NFASC: variants seen among roughly 807,000 people sequenced by gnomAD.
NFASC encodes the protein neurofascin, also known as neurofascin homolog.
NFASC carries 43 observed loss-of-function variants against 147.5 expected under a neutral mutation model. That is an observed-to-expected ratio of 0.29 (90% CI 0.23 to 0.38). The LOEUF is 0.38. Ranked by LOEUF, NFASC falls within the 10% of genes least tolerant of loss-of-function variation. The probability of loss-of-function intolerance (pLI) is 1.00; values close to 1 mark genes in which losing one functional copy is unlikely to be tolerated. For synonymous variants in NFASC, 622 were observed against 665.5 expected (o/e 0.93, Z 1.01); for missense variants, 1,320 against 1,689.0 (o/e 0.78, Z 3.83).
chr1:204,950,578 A>T lies in NFASC; in HGVS notation c.109+4A>T, dbSNP rs763092443. 3 of 1,612,564 alleles carry T rather than the reference A, an allele frequency of 1.9e-6. No homozygotes were observed. The highest frequency in any genetic ancestry group is 2.5e-6 in the Non-Finnish European group (3 of 1,179,280). On this transcript the variant is annotated splice_donor_region_variant and intron_variant, in intron 4 of 29. Transcript: ENST00000339876. ...ACAGCAAGCATTCAGAATGAGCGTA[A>T]GTGCCCTGTGTGCCTCTCTGTGCCT...
chr1:204,858,649 G>T (rs891586398), intron 1 of NFASC, among the ~76,000 whole-genome samples: 1 of 152,044 alleles, frequency 6.6e-6, no homozygotes, highest in East Asian at 1.9e-4. Flanking sequence ...CACTCCCTCC[G>T]CTCCCCCTCC....
At chr1:205,009,799 C>T (rs1313402458) in intron 28 of NFASC, 111 bp downstream of exon 28, 1 of 1,170,754 alleles carries the variant, frequency 8.5e-7, no homozygotes, top group Admixed American at 2.1e-5. Flanking sequence ...GAAGCCAGCC[C>T]TTGCCCGGAT....
At chr1:204,980,489 A>G (rs1472168962) in intron 20 of NFASC, 49 bp downstream of exon 20, 2 of 1,403,438 alleles carry the variant, frequency 1.4e-6, no homozygotes, top group African/African-American at 2.8e-5. Context: ...TGCCGCATGC[A>G]CCGGGAGCCC....
chr1:204,877,068 T>A lies in NFASC; in HGVS notation c.-199-43564T>A, dbSNP rs6661366. Among the ~76,000 whole-genome samples, 18 of 93,728 alleles carry A rather than the reference T, an allele frequency of 1.9e-4. 3 individuals carry two copies. The East Asian group carries it at 7.6e-3, about 39-fold the overall frequency. 61.5% of individuals were successfully genotyped at this position (93,728 alleles called of 152,430 possible). On this transcript the variant is annotated intron_variant, in intron 1 of 29. Coordinates refer to ENST00000339876, the MANE Select transcript of NFASC (RefSeq NM_001005388.3). ...ATATATAATATATTTATTTATATAT[T>A]TATATATATATAATATATTTATTTA... is the stretch of plus-strand genomic sequence containing the variant.
intron 2 of NFASC, among the ~76,000 whole-genome samples, chr1:204,921,917 A>G (rs971446559): frequency 6.6e-6 from 1 of 152,016 alleles, no homozygotes; most frequent in Non-Finnish European, 1.5e-5. Flanking sequence ...GTCAGGTTTC[A>G]GAGACCACCT....
At chr1:205,011,739 G>C (rs1215463924) in intron 28 of NFASC, among the ~76,000 whole-genome samples, 1 of 152,144 alleles carries the variant, frequency 6.6e-6, no homozygotes, top group Non-Finnish European at 1.5e-5. Flanking sequence ...TCAACGGTTC[G>C]GTTTCCCTCA....
Position 204,976,865 on chromosome 1 carries a change from C to T in NFASC, c.1831+70C>T, listed in dbSNP as rs368097776. ...CCCCAGCAGCCAGAGAAGCAGTGGC[C>T]CGGGGCAGTTCCGAGGGCAGTGCCT... On this transcript the variant is annotated intron_variant, in intron 16 of 29. Transcript: ENST00000339876. The T allele has an allele frequency of 1.3e-5, 20 of 1,571,166 alleles. No individual in the cohort carries two copies. The African/African-American group carries it at 2.4e-4, about 19-fold the overall frequency.
At chr1:204,927,322 A>C (rs555033098) in intron 2 of NFASC, among the ~76,000 whole-genome samples, 50 of 152,314 alleles carry the variant, frequency 3.3e-4, no homozygotes, top group African/African-American at 1.1e-3. Context: ...AAATGGAATC[A>C]TACAATATGC....
intron 1 of NFASC, among the ~76,000 whole-genome samples, chr1:204,864,959 T>G (rs1316857830): frequency 2.0e-5 from 3 of 152,372 alleles, no homozygotes; most frequent in South Asian, 2.1e-4. Context: ...GCCCAATTTA[T>G]CTCACCTTGT....
chr1:204,945,323 C>T (rs920498501), intron 3 of NFASC, among the ~76,000 whole-genome samples: 1 of 152,238 alleles, frequency 6.6e-6, no homozygotes, highest in Non-Finnish European at 1.5e-5. Flanking sequence ...AGGGGACCCA[C>T]ATGACACCAA....
intron 20 of NFASC, 89 bp from the exon 21 acceptor site, chr1:204,981,709 G>T (rs1368112969): frequency 1.2e-6 from 1 of 813,786 alleles, no homozygotes; most frequent in African/African-American, 1.8e-5. Context: ...ATCTGGAAGG[G>T]ATGCCTGGCA....
intron 1 of NFASC, among the ~76,000 whole-genome samples, chr1:204,875,765 C>T (rs141893272): frequency 4.6e-4 from 70 of 152,254 alleles, no homozygotes; most frequent in African/African-American, 1.5e-3. Context: ...CAGAAGCCAA[C>T]GGTAGATACC....
intron 1 of NFASC, among the ~76,000 whole-genome samples, chr1:204,829,292 C>G (rs1671530600): frequency 6.6e-6 from 1 of 151,474 alleles, no homozygotes; most frequent in South Asian, 2.1e-4. Context: ...CCCTGGTTCC[C>G]CCTTGCACGC....
intron 23 of NFASC, 113 bp from the exon 24 acceptor site, chr1:204,991,179 G>T: frequency 1.5e-6 from 2 of 1,300,644 alleles, no homozygotes; most frequent in Non-Finnish European, 2.2e-6. Context: ...TAAGGTTTGG[G>T]CTGGAACCTT....
At chr1:205,012,659 G>A (rs892571406) in intron 28 of NFASC, 138 bp from the exon 29 acceptor site, 20 of 718,096 alleles carry the variant, frequency 2.8e-5, no homozygotes, top group Non-Finnish European at 3.8e-5. Context: ...CAAGGGAGGC[G>A]TGGATGGTGC....
chr1:204,995,747 T>C (rs1415918035), intron 24 of NFASC, among the ~76,000 whole-genome samples: 4 of 152,128 alleles, frequency 2.6e-5, no homozygotes, highest in Non-Finnish European at 5.9e-5. Context: ...AAAGGGCTTT[T>C]GCTGGGCAGG....
chr1:204,997,521 C>A, intron 25 of NFASC, 115 bp downstream of exon 25: 2 of 1,164,894 alleles, frequency 1.7e-6, no homozygotes, highest in Non-Finnish European at 2.5e-6. Context: ...GTGTTTGCCA[C>A]CACCTCCCTT....
rs2149164870 is a variant in NFASC at position 204,899,478 on chromosome 1, A to G, written c.-199-21154A>G. ...AACTCCACTGGTACCAGTAGGTGAG[A>G]CATTTGCCGGTTCCTGCCTCTAGAG... is the stretch of plus-strand genomic sequence containing the variant. On this transcript the variant is annotated intron_variant, in intron 1 of 29. Transcript: ENST00000339876. 2.0e-5 allele frequency among the ~76,000 whole-genome samples: 3 copies of G among 152,252 alleles called. No individual in the cohort carries two copies. The East Asian group carries it at 5.8e-4, about 29-fold the overall frequency.
intron 27 of NFASC, among the ~76,000 whole-genome samples, chr1:205,003,117 A>T (rs2096027750): frequency 6.6e-6 from 1 of 152,162 alleles, no homozygotes; most frequent in African/African-American, 2.4e-5. Context: ...GCCTGTGCGC[A>T]CAGGGGCTGG....
Sources: allele counts gnomAD v4.1 joint callset (sites outside exome capture counted in the v4.1 genomes callset), GRCh38; gene constraint gnomAD v4.1.1; transcripts MANE v1.5; gene names NCBI Gene and HGNC (gene_info 2026-07-23, HGNC 2026-07-21).